The following ADCY2 variants were observed in gnomAD, a reference collection of about 807,000 sequenced individuals.
ADCY2 encodes adenylate cyclase type 2.
A neutral mutation model predicts 125.2 loss-of-function variants in ADCY2; 31 were observed. The ratio of observed to expected loss-of-function variants is 0.25; its 90% CI spans 0.19 to 0.33. ADCY2 has a LOEUF of 0.33. Among genes scored for constraint, ADCY2 ranks in the 10% least tolerant of loss-of-function variants. The pLI, the probability that ADCY2 is intolerant of heterozygous loss-of-function variation, is 1.00. For synonymous variants in ADCY2, 512 were observed against 548.4 expected (o/e 0.93, Z 0.93); for missense variants, 904 against 1,418.2 (o/e 0.64, Z 5.82).
intron 3 of ADCY2, among the ~76,000 whole-genome samples, chr5:7,583,817 G>A (rs1305373806): frequency 6.6e-6 from 1 of 152,040 alleles, no homozygotes. Context: ...CAAAAACTGG[G>A]AACAGCTGAA....
At chr5:7,553,957 C>T (rs939400899) in intron 3 of ADCY2, among the ~76,000 whole-genome samples, 1 of 152,084 alleles carries the variant, frequency 6.6e-6, no homozygotes, top group South Asian at 2.1e-4. Flanking sequence ...AAAATGAGTT[C>T]TTGCTGGAGT....
chr5:7,675,221 T>C (rs6555481), intron 4 of ADCY2, among the ~76,000 whole-genome samples: 68,469 of 151,654 alleles, frequency 0.45, 16,231 homozygotes, highest in East Asian at 0.84. Flanking sequence ...AGGTATTGTA[T>C]AGGGAAGTTC....
intron 22 of ADCY2, among the ~76,000 whole-genome samples, chr5:7,815,582 A>G (rs1002828083): frequency 3.3e-5 from 5 of 152,258 alleles, no homozygotes; most frequent in African/African-American, 2.4e-5. Context: ...AAACTTTTAA[A>G]AAGGTGAAAT....
At chr5:7,444,173 G>A (rs182708011) in intron 2 of ADCY2, among the ~76,000 whole-genome samples, 3,537 of 148,718 alleles carry the variant, frequency 0.024, 136 homozygotes, top group African/African-American at 0.082. Context: ...GAGTGCAGTG[G>A]CGGGATCTCG....
At chr5:7,748,227 G>A (rs1742689875) in intron 15 of ADCY2, among the ~76,000 whole-genome samples, 1 of 152,172 alleles carries the variant, frequency 6.6e-6, no homozygotes, top group South Asian at 2.1e-4. Context: ...CGGGTTCTAT[G>A]TGTAAAGGAA....
At chr5:7,442,066 C>A (rs1339951828) in intron 2 of ADCY2, among the ~76,000 whole-genome samples, 1 of 152,176 alleles carries the variant, frequency 6.6e-6, no homozygotes, top group Non-Finnish European at 1.5e-5. Flanking sequence ...TCACACTTAA[C>A]AAAACTAACC....
chr5:7,459,327 C>T (rs1332348960), intron 2 of ADCY2, among the ~76,000 whole-genome samples: 1 of 152,172 alleles, frequency 6.6e-6, no homozygotes, highest in Non-Finnish European at 1.5e-5. Flanking sequence ...TTGCCTAACC[C>T]CAGTCCAAAG....
At position 7,626,148 on chromosome 5, in the gene ADCY2, G is replaced by A. The variant is rs1738116162; in HGVS notation, c.571-19G>A. 1 of 1,607,000 alleles carries A rather than the reference G, an allele frequency of 6.2e-7. No homozygotes were observed. The highest frequency in any genetic ancestry group is 1.7e-5 in the Admixed American group (1 of 58,288). ...TGAGAAACAGTTACCCTATTGAGCA[G>A]CTCTTTCTGTCTCTTTAGATCCTGG... On this transcript the variant is annotated intron_variant, in intron 3 of 24. Transcript: ENST00000338316.
At chr5:7,720,876 T>C (rs1203412112) in intron 12 of ADCY2, among the ~76,000 whole-genome samples, 1 of 152,258 alleles carries the variant, frequency 6.6e-6, no homozygotes, top group East Asian at 1.9e-4. Flanking sequence ...TGTGTCTTTA[T>C]AGCAGCATGT....
At position 7,396,913 on chromosome 5, in the gene ADCY2, C is replaced by T. The variant is rs1246482747; in HGVS notation, c.210+407C>T. 2.0e-5 allele frequency among the ~76,000 whole-genome samples: 3 copies of T among 152,194 alleles called. No homozygotes were observed. The highest frequency in any genetic ancestry group is 7.2e-5 in the African/African-American group (3 of 41,454). On this transcript the variant is annotated intron_variant, in intron 1 of 24. Coordinates refer to ENST00000338316, the MANE Select transcript of ADCY2 (RefSeq NM_020546.3). This position sits in a 1 kb window ranked among gnomAD's most constrained non-coding sequence, Gnocchi z 5.7. Reference sequence around the variant, plus strand: ...GCGAGTCGCTGTCTCCTGCCCGGTTCCACTGGCATGGCCCCACAGTTGGCA... The same window carrying T: ...GCGAGTCGCTGTCTCCTGCCCGGTTTCACTGGCATGGCCCCACAGTTGGCA...
chr5:7,497,009 G>T (rs1333787692), intron 2 of ADCY2, among the ~76,000 whole-genome samples: 1 of 152,092 alleles, frequency 6.6e-6, no homozygotes, highest in Non-Finnish European at 1.5e-5. Flanking sequence ...AACTACACTT[G>T]AATTGTTCAG....
intron 3 of ADCY2, among the ~76,000 whole-genome samples, chr5:7,558,174 T>G (rs1278102001): frequency 2.0e-5 from 3 of 151,930 alleles, no homozygotes; most frequent in Admixed American, 2.0e-4. Flanking sequence ...TGCCTCAACC[T>G]CCACAGTAGC....
chr5:7,511,733 G>A (rs769166891), intron 2 of ADCY2, among the ~76,000 whole-genome samples: 3 of 152,010 alleles, frequency 2.0e-5, no homozygotes, highest in Non-Finnish European at 4.4e-5. Flanking sequence ...GAAGGACTTT[G>A]GGGCAGAAAA....
At chr5:7,558,061 T>A (rs985839901) in intron 3 of ADCY2, among the ~76,000 whole-genome samples, 3 of 151,744 alleles carry the variant, frequency 2.0e-5, no homozygotes, top group African/African-American at 4.8e-5. Flanking sequence ...GGTTTTATTT[T>A]TTTTTTTTTG....
chr5:7,602,982 G>T (rs1215768360), intron 3 of ADCY2, among the ~76,000 whole-genome samples: 2 of 152,146 alleles, frequency 1.3e-5, no homozygotes, highest in Admixed American at 1.3e-4. Context: ...ATAAAATCAG[G>T]ACTCATGTCT....
chr5:7,785,995 C>G (rs1024888478), intron 19 of ADCY2, among the ~76,000 whole-genome samples: 2 of 152,036 alleles, frequency 1.3e-5, no homozygotes, highest in Non-Finnish European at 2.9e-5. Context: ...GATTGAGCAC[C>G]AATTTTACAC....
intron 19 of ADCY2, among the ~76,000 whole-genome samples, chr5:7,785,718 A>T (rs755449777): frequency 1.3e-5 from 2 of 152,184 alleles, no homozygotes; most frequent in African/African-American, 4.8e-5. Flanking sequence ...CATTTCTCAG[A>T]AAACAATGCA....
chr5:7,593,900 G>A (rs1736925338), intron 3 of ADCY2, among the ~76,000 whole-genome samples: 1 of 152,162 alleles, frequency 6.6e-6, no homozygotes, highest in Admixed American at 6.5e-5. Flanking sequence ...ATGTAAAAGT[G>A]TCATTTGAGC....
At chr5:7,821,060 C>T (rs1423968311) in intron 24 of ADCY2, among the ~76,000 whole-genome samples, 2 of 152,116 alleles carry the variant, frequency 1.3e-5, no homozygotes, top group Admixed American at 1.3e-4. Context: ...AAACCAGACA[C>T]AACCCCTCAC....
Sources: gnomAD v4.1 joint callset for allele counts (sites outside exome capture counted in the v4.1 genomes callset) on GRCh38, gnomAD v4.1.1 for gene constraint, Gnocchi (gnomAD v3.1) non-coding constraint, MANE v1.5 for transcripts, NCBI Gene and HGNC (gene_info 2026-07-23, HGNC 2026-07-21) for gene names.